The following POMGNT1 variants were observed in gnomAD, a reference collection of about 807,000 sequenced individuals.
POMGNT1 encodes protein O-linked mannose N-acetylglucosaminyltransferase 1 (beta 1,2-), also known as protein O-linked-mannose beta-1,2-N-acetylglucosaminyltransferase 1.
In POMGNT1, 67 loss-of-function variants were observed where a neutral mutation model predicts 95.6. That is an observed-to-expected ratio of 0.70 (90% CI 0.58 to 0.86). The LOEUF (loss-of-function observed/expected upper bound fraction) is 0.86. Ranked by LOEUF, POMGNT1 falls within the 40% of genes least tolerant of loss-of-function variation. The probability of loss-of-function intolerance (pLI) is 0.00; values close to 1 mark genes in which losing one functional copy is unlikely to be tolerated. For missense variants in POMGNT1, 719 were observed against 855.2 expected (o/e 0.84, Z 1.99); for synonymous variants, 298 against 317.9 (o/e 0.94, Z 0.66).
chr1:46,218,258 C>T (rs745904899), intron 1 of POMGNT1, among the ~76,000 whole-genome samples: 6 of 152,078 alleles, frequency 3.9e-5, no homozygotes, highest in East Asian at 1.9e-4. Context: ...GTGTGGTGCA[C>T]GCCTGTGGTC....
intron 1 of POMGNT1, among the ~76,000 whole-genome samples, chr1:46,204,128 CCTT>C (rs1557682233): frequency 6.6e-6 from 1 of 152,288 alleles, no homozygotes; most frequent in African/African-American, 2.4e-5. Context: ...GCACTGAAAA[CCTT>C]CTCCGTTTCC....
chr1:46,196,856 G>C lies in POMGNT1; in HGVS notation c.236-7C>G, dbSNP rs1405373316. On this transcript the variant is annotated splice_polypyrimidine_tract_variant and splice_region_variant and intron_variant, in intron 3 of 21. Transcript: ENST00000371984. The surrounding 1 kb of genome is among the most constrained non-coding windows in gnomAD (Gnocchi z 4.4). ...AGGCGGCCTAGGGCCTCATCTGTGG[G>C]GTACAACAGGTCATGGAGATAGTCT... 6 of 1,613,966 alleles carry C rather than the reference G, an allele frequency of 3.7e-6. No homozygotes were observed. The highest frequency in any genetic ancestry group is 5.1e-6 in the Non-Finnish European group (6 of 1,180,024).
Position 46,192,358 on chromosome 1 carries a change from T to C in POMGNT1, c.1363A>G (p.Arg455Gly). 6.2e-7 allele frequency: 1 copy of C among 1,614,152 alleles called. No individual in the cohort carries two copies. The highest frequency in any genetic ancestry group is 8.5e-7 in the Non-Finnish European group (1 of 1,180,016). Reference protein sequence around the residue: ...TMPGLGWVLRRSLYKEELEPK... With the variant: ...TMPGLGWVLRGSLYKEELEPK... ...TCAAGCTCCTCCTTGTACAAGGACC[T>C]CCTGAGCACCCAGCCCAGCCCAGGC... The change falls in exon 16 of 22, where the codon AGG (arginine) becomes GGG (glycine). Residue 455 changes from arginine (R) to glycine (G), a missense_variant. Transcript: ENST00000371984.
chr1:46,197,141 C>G, intron 2 of POMGNT1, 57 bp from the exon 3 acceptor site: 1 of 1,612,872 alleles, frequency 6.2e-7, no homozygotes, highest in Non-Finnish European at 8.5e-7. Flanking sequence ...CCTAGAGGGT[C>G]TTTCTGAAAG....
At position 46,196,629 on chromosome 1, in the gene POMGNT1, C is replaced by T. The variant is rs1309536906; in HGVS notation, c.354+102G>A. 3.7e-6 allele frequency: 6 copies of T among 1,602,714 alleles called. No homozygotes were observed. Among genetic ancestry groups the T allele is most frequent in the Non-Finnish European group, 4.2e-6 (5 of 1,177,470 alleles). ...GACTCCAAAGTCACACAGCTAGAAA[C>T]TGGCAGAGTTGCAGTTCCCACTTAG... On this transcript the variant is annotated intron_variant, in intron 4 of 21. Coordinates refer to ENST00000371984, the MANE Select transcript of POMGNT1 (RefSeq NM_017739.4). This position sits in a 1 kb window ranked among gnomAD's most constrained non-coding sequence, Gnocchi z 4.4.
At position 46,195,856 on chromosome 1, in the gene POMGNT1, G is replaced by A. The variant is rs1379184772; in HGVS notation, c.489C>T (p.Phe163=). 2 of 1,612,252 alleles carry A rather than the reference G, an allele frequency of 1.2e-6. No homozygotes were observed. The highest frequency in any genetic ancestry group is 1.7e-6 in the Non-Finnish European group (2 of 1,179,198). ...CTCGGCCGGGCGCTACCATGTTGAG[G>A]AATAGCACCATGGCCTCATCCTCAT... The part of the protein sequence containing the change: ...SPHEDEAMVL[F]LNMVAPGRVL... The change falls in exon 6 of 22, where the codon TTC becomes TTT. Residue 163 remains phenylalanine, a synonymous_variant. Coordinates refer to ENST00000371984, the MANE Select transcript of POMGNT1 (RefSeq NM_017739.4).
intron 1 of POMGNT1, among the ~76,000 whole-genome samples, chr1:46,206,208 C>T (rs533462520): frequency 2.6e-5 from 4 of 152,340 alleles, no homozygotes; most frequent in East Asian, 1.9e-4. Flanking sequence ...GCTTCTGAAA[C>T]GTTTTGTGGT....
chr1:46,213,461 C>G (rs1185484338), intron 1 of POMGNT1, among the ~76,000 whole-genome samples: 1 of 151,684 alleles, frequency 6.6e-6, no homozygotes, highest in Non-Finnish European at 1.5e-5. Flanking sequence ...AAGCATATCC[C>G]CATTGTTACG....
At chr1:46,216,043 CTTTTT>C (rs141982741) in intron 1 of POMGNT1, among the ~76,000 whole-genome samples, 25 of 92,550 alleles carry the variant, frequency 2.7e-4, no homozygotes, top group African/African-American at 1.0e-3. Flanking sequence ...TTTATTTTAT[CTTTTT>C]TTTTTTTTTT....
Position 46,195,845 on chromosome 1 carries a change from A to G in POMGNT1, c.500T>C (p.Val167Ala). The G allele has an allele frequency of 1.2e-6, 2 of 1,610,708 alleles. No individual in the cohort carries two copies. Among genetic ancestry groups the G allele is most frequent in the Non-Finnish European group, 1.7e-6 (2 of 1,178,362 alleles). ...DEAMVLFLNMVAPGRVLICTV... is the reference protein window; with the variant it reads ...DEAMVLFLNMAAPGRVLICTV... Reference sequence around the variant, plus strand: ...GCAGATGAGCACTCGGCCGGGCGCTACCATGTTGAGGAATAGCACCATGGC... The same window carrying G: ...GCAGATGAGCACTCGGCCGGGCGCTGCCATGTTGAGGAATAGCACCATGGC... The change falls in exon 6 of 22, where the codon GTA becomes GCA. Residue 167 changes from valine (V) to alanine (A), a missense_variant. Transcript: ENST00000371984.
chr1:46,189,687 G>A, intron 20 of POMGNT1, 120 bp from the exon 21 acceptor site: 2 of 1,539,206 alleles, frequency 1.3e-6, no homozygotes, highest in South Asian at 1.2e-5. Flanking sequence ...GTAAGAGATA[G>A]CATCTTTTAG....
In POMGNT1 at chr1:46,189,070, G is replaced by A. The variant is rs546045840; in HGVS notation, c.*200C>T. 1 of 1,520,488 alleles carries A rather than the reference G, an allele frequency of 6.6e-7. No homozygotes were observed. The highest frequency in any genetic ancestry group is 8.8e-7 in the Non-Finnish European group (1 of 1,139,942). The allele number at this position is 1,520,488 out of a possible 1,614,324, so 94.2% of individuals were successfully genotyped here. On this transcript the variant is annotated 3_prime_UTR_variant, in exon 22 of 22. Transcript: ENST00000371984. ...TCTCCTGCCCTTCTCCAACAAGGAAGTAAATAAATAGACTTTTAACTCAGG... is the reference window on the plus strand; with the variant it reads ...TCTCCTGCCCTTCTCCAACAAGGAAATAAATAAATAGACTTTTAACTCAGG...
chr1:46,196,931 G>A lies in POMGNT1; in HGVS notation c.235+39C>T. ...GGTCTGCCTGCCACTCCAGCTGTGA[G>A]ATCCAAGGCCCCCTACCCCATCCTT... On this transcript the variant is annotated intron_variant, in intron 3 of 21. Transcript: ENST00000371984. The surrounding 1 kb of genome is among the most constrained non-coding windows in gnomAD (Gnocchi z 4.4). 1 of 1,614,216 alleles carries A rather than the reference G, an allele frequency of 6.2e-7. No individual in the cohort carries two copies. The highest frequency in any genetic ancestry group is 1.3e-5 in the African/African-American group (1 of 75,052).
At position 46,189,227 on chromosome 1, in the gene POMGNT1, G is replaced by A; in HGVS notation, c.*43C>T. 6.3e-7 allele frequency: 1 copy of A among 1,588,994 alleles called. No individual in the cohort carries two copies. Among genetic ancestry groups the A allele is most frequent in the African/African-American group, 1.4e-5 (1 of 73,652 alleles). ...GATGGAGGGAAGGGCTAGCCAGCCTGGGGGTACACAGTACCCAGCCCCGCA... is the reference window on the plus strand; with the variant it reads ...GATGGAGGGAAGGGCTAGCCAGCCTAGGGGTACACAGTACCCAGCCCCGCA... On this transcript the variant is annotated 3_prime_UTR_variant, in exon 22 of 22. Transcript: ENST00000371984.
At chr1:46,197,288 T>A in intron 2 of POMGNT1, 3 of 1,505,192 alleles carry the variant, frequency 2.0e-6, no homozygotes, top group Non-Finnish European at 2.7e-6. Flanking sequence ...CACTTCCCCC[T>A]CCATTAGGGC....
chr1:46,204,534 T>G (rs1658653146), intron 1 of POMGNT1, among the ~76,000 whole-genome samples: 1 of 152,020 alleles, frequency 6.6e-6, no homozygotes, highest in Admixed American at 6.6e-5. Flanking sequence ...GCTAAAGTCT[T>G]CCTGTGTGCC....
At position 46,195,481 on chromosome 1, in the gene POMGNT1, T is replaced by C. The variant is rs186133259; in HGVS notation, c.534+330A>G. ...ATTCATTATCCCCTGCTTTATTTTCTTCTTTATACAAGTTATCATTTACTA... is the reference window on the plus strand; with the variant it reads ...ATTCATTATCCCCTGCTTTATTTTCCTCTTTATACAAGTTATCATTTACTA... On this transcript the variant is annotated intron_variant, in intron 6 of 21. Transcript: ENST00000371984. 8.6e-4 allele frequency: 342 copies of C among 397,930 alleles called. 4 individuals carry two copies. Among genetic ancestry groups the C allele is most frequent in the Middle Eastern group, 6.7e-3 (8 of 1,192 alleles). The allele number at this position is 397,930 out of a possible 1,614,324, so 24.6% of individuals were successfully genotyped here.
Position 46,189,528 on chromosome 1 carries a change from G to A in POMGNT1, c.1825C>T (p.Arg609Trp), listed in dbSNP as rs145736350. ...TTCCGAAACAATCTCCACAGGCCCC[G>A]ATGGTTGCCACGCACATCCAGGTCC... The part of the protein sequence containing the change: ...IWDLDVRGNH[R>W]GLWRLFRKKN... Residue 609 changes from arginine to tryptophan, a missense_variant, in exon 21 of 22, where the codon CGG becomes TGG. Transcript: ENST00000371984. 93 of 1,613,136 alleles carry A rather than the reference G, an allele frequency of 5.8e-5. No individual in the cohort carries two copies. Among genetic ancestry groups the A allele is most frequent in the Middle Eastern group, 3.3e-4 (2 of 6,080 alleles).
intron 9 of POMGNT1, 55 bp from the exon 10 acceptor site, chr1:46,193,980 C>T: frequency 1.2e-6 from 2 of 1,605,492 alleles, no homozygotes; most frequent in South Asian, 1.1e-5. Context: ...AACTGGGATC[C>T]CCACCTAGGG....
Sources: allele counts gnomAD v4.1 joint callset (sites outside exome capture counted in the v4.1 genomes callset), GRCh38; gene constraint gnomAD v4.1.1; non-coding constraint Gnocchi (gnomAD v3.1); transcripts MANE v1.5; gene names NCBI Gene and HGNC (gene_info 2026-07-23, HGNC 2026-07-21).